DOK7: variants seen among roughly 807,000 people sequenced by gnomAD.
DOK7 encodes the protein docking protein 7.
In DOK7, 32 loss-of-function variants were observed where a neutral mutation model predicts 30.7. That is an observed-to-expected ratio of 1.04 (90% CI 0.79 to 1.40). DOK7 has a LOEUF of 1.40. DOK7 is among the 40% of genes most tolerant of loss of function. The probability of loss-of-function intolerance (pLI) is 0.00; values close to 1 mark genes in which losing one functional copy is unlikely to be tolerated. For synonymous variants in DOK7, 447 were observed against 324.1 expected, an observed-to-expected ratio of 1.38 and a Z score of -4.07; for missense variants, 1,007 against 699.2, an observed-to-expected ratio of 1.44 and a Z score of -4.97.
downstream of DOK7, among the ~76,000 whole-genome samples, chr4:3,499,393 C>T (rs1729083060): frequency 6.6e-6 from 1 of 152,202 alleles, no homozygotes; most frequent in Admixed American, 6.5e-5. Flanking sequence ...TGCGTTCCCT[C>T]ACGAGGTCCT....
chr4:3,491,325 C>T lies in DOK7; in HGVS notation c.773-1434C>T, dbSNP rs1198591805. 7.8e-4 allele frequency among the ~76,000 whole-genome samples: 88 copies of T among 112,116 alleles called. 1 individual carries two copies. The highest frequency in any genetic ancestry group is 2.2e-3 in the African/African-American group (72 of 32,194). The allele number at this position is 112,116 out of a possible 152,430, so 73.6% of individuals were successfully genotyped here. On this transcript the variant is annotated intron_variant, in intron 6 of 6. Coordinates refer to ENST00000340083, the MANE Select transcript of DOK7 (RefSeq NM_173660.5). ...TTCATTCCTGCCTTCTCCCCCTGCT[C>T]ATTCATTCCTTCCTTCTTCGCCTGC...
At chr4:3,475,933 G>A (rs1727026926) in intron 3 of DOK7, among the ~76,000 whole-genome samples, 1 of 152,096 alleles carries the variant, frequency 6.6e-6, no homozygotes, top group Non-Finnish European at 1.5e-5. Context: ...TGGGAGGATG[G>A]CAAGGAGAGA....
chr4:3,468,226 C>T (rs1259369853), intron 2 of DOK7, among the ~76,000 whole-genome samples: 1 of 147,246 alleles, frequency 6.8e-6, no homozygotes, highest in East Asian at 2.1e-4. Flanking sequence ...ATGTGAATAC[C>T]TGTGTGGGGG....
chr4:3,464,053 TC>T (rs33994016), intron 2 of DOK7, among the ~76,000 whole-genome samples: 70,971 of 151,230 alleles, frequency 0.47, 17,977 homozygotes, highest in African/African-American at 0.68. Context: ...GAGGCAGGGG[TC>T]CCCCCCCAGT....
At chr4:3,477,351 G>GGACTGA (rs1560213409) in intron 4 of DOK7, among the ~76,000 whole-genome samples, 2 of 152,270 alleles carry the variant, frequency 1.3e-5, no homozygotes, top group African/African-American at 4.8e-5. Flanking sequence ...GGGGCTGAGA[G>GGACTGA]GACTGAGGGA....
At chr4:3,466,457 G>A (rs1281909749) in intron 2 of DOK7, among the ~76,000 whole-genome samples, 2 of 152,232 alleles carry the variant, frequency 1.3e-5, no homozygotes, top group African/African-American at 2.4e-5. Context: ...GGTGGACACT[G>A]GGTCGGCCCT....
chr4:3,489,976 C>T (rs1278210461), intron 6 of DOK7, among the ~76,000 whole-genome samples, 180 bp downstream of exon 6: 3 of 144,428 alleles, frequency 2.1e-5, no homozygotes, highest in Non-Finnish European at 3.0e-5. Context: ...CTCATTCATC[C>T]TTCCTTCCCC....
At chr4:3,475,959 C>A (rs992491655) in intron 3 of DOK7, among the ~76,000 whole-genome samples, 2 of 152,180 alleles carry the variant, frequency 1.3e-5, no homozygotes, top group East Asian at 3.9e-4. Context: ...AGCCCCCAGG[C>A]CCCCTCGTGG....
chr4:3,463,715 A>T (rs909632820), intron 2 of DOK7, among the ~76,000 whole-genome samples, 164 bp downstream of exon 2: 1 of 152,116 alleles, frequency 6.6e-6, no homozygotes. Context: ...CTGGGAGCGC[A>T]GGTGGGGGCC....
intron 3 of DOK7, among the ~76,000 whole-genome samples, chr4:3,476,010 C>T (rs1228630096): frequency 1.3e-5 from 2 of 152,080 alleles, no homozygotes; most frequent in African/African-American, 4.8e-5. Flanking sequence ...GTCGCTGCCT[C>T]CCCGGCTGAC....
intron 1 of DOK7, 37 bp downstream of exon 1, chr4:3,463,466 G>T: frequency 7.0e-7 from 1 of 1,425,972 alleles, no homozygotes; most frequent in Non-Finnish European, 9.1e-7. Flanking sequence ...GGGGGGGCGC[G>T]GGCGCGGGCG....
intron 2 of DOK7, 46 bp from the exon 3 acceptor site, chr4:3,473,360 G>A (rs773677976): frequency 6.9e-6 from 11 of 1,594,542 alleles, no homozygotes; most frequent in South Asian, 1.1e-5. Flanking sequence ...CAAGGGTGCG[G>A]GCAGGCGGTG....
In DOK7 at chr4:3,473,451, AG is replaced by A; in HGVS notation, c.149del (p.Gly50AlafsTer8). Reference protein sequence around the residue: ...LVYKDKSERIKGLRERSSLTL... With the variant: ...LVYKDKSERIXGLRERSSLTL... ...TACAAGGACAAGTCGGAGCGTATCA[AG>A]GGCCTGCGGGAGCGCAGCAGCCTGA... On this transcript the variant is annotated frameshift_variant, in exon 3 of 7. Coordinates refer to ENST00000340083, the MANE Select transcript of DOK7 (RefSeq NM_173660.5). LOFTEE classifies it high-confidence loss of function. 1 of 1,611,100 alleles carries A rather than the reference AG, an allele frequency of 6.2e-7. No individual in the cohort carries two copies. The highest frequency in any genetic ancestry group is 8.5e-7 in the Non-Finnish European group (1 of 1,179,786).
chr4:3,490,211 ATTCCTGTCTTCACC>A (rs1728169028), intron 6 of DOK7, among the ~76,000 whole-genome samples: 1 of 64,252 alleles, frequency 1.6e-5, no homozygotes, highest in Non-Finnish European at 2.6e-5. Flanking sequence ...CCCCTCATTC[ATTCCTGTCTTCACC>A]CCCTCATTCA....
Position 3,493,720 on chromosome 4 carries a change from G to T in DOK7, c.*219G>T. The T allele has an allele frequency of 8.4e-6, 12 of 1,424,620 alleles. No individual in the cohort carries two copies. Among genetic ancestry groups the T allele is most frequent in the Non-Finnish European group, 1.1e-5 (12 of 1,093,488 alleles). The allele number at this position is 1,424,620 out of a possible 1,614,324, so 88.2% of individuals were successfully genotyped here. ...TCTGGAAGGCAGGGGCTCTGGGTCC[G>T]GCAGGTCGGGGTCACCAGAGCCCCA... On this transcript the variant is annotated 3_prime_UTR_variant, in exon 7 of 7. Transcript: ENST00000340083.
exon 8 of DOK7, chr4:3,501,006 C>T: frequency 1.0e-6 from 1 of 965,040 alleles, no homozygotes; most frequent in Non-Finnish European, 1.5e-6. Context: ...CACGGCCAGG[C>T]CTCCTGCCTC....
At chr4:3,485,235 G>A in intron 4 of DOK7, 1 of 314,272 alleles carries the variant, frequency 3.2e-6, no homozygotes, top group Non-Finnish European at 5.7e-6. Flanking sequence ...TCGGCTGCAG[G>A]ACCTAGGATG....
At chr4:3,484,194 T>C (rs984558954) in intron 4 of DOK7, among the ~76,000 whole-genome samples, 1 of 152,182 alleles carries the variant, frequency 6.6e-6, no homozygotes, top group Non-Finnish European at 1.5e-5. Context: ...ATGACCCGGT[T>C]TGGGGACACT....
chr4:3,491,255 G>T (rs1197191647), intron 6 of DOK7, among the ~76,000 whole-genome samples: 1 of 89,822 alleles, frequency 1.1e-5, no homozygotes, highest in Admixed American at 1.7e-4. Context: ...TTCTCCCCTT[G>T]CTCATTCATT....
Sources: allele counts gnomAD v4.1 joint callset (sites outside exome capture counted in the v4.1 genomes callset), GRCh38; gene constraint gnomAD v4.1.1; transcripts MANE v1.5; gene names NCBI Gene and HGNC (gene_info 2026-07-23, HGNC 2026-07-21).